Variants in WDPCP observed in about 807,000 individuals in gnomAD.
The protein encoded by WDPCP is WD repeat-containing and planar cell polarity effector protein fritz homolog.
Under a neutral mutation model 93.1 loss-of-function variants are expected in WDPCP, and 71 were observed. That is an observed-to-expected ratio of 0.76 (90% CI 0.63 to 0.93). The LOEUF is 0.93. WDPCP is among the 40% of genes least tolerant of loss of function. WDPCP has a pLI of 0.00. For missense variants in WDPCP, 844 were observed against 887.4 expected (o/e 0.95, Z 0.62); for synonymous variants, 315 against 315.0 (o/e 1.00, Z 0.00).
At chr2:63,541,384 T>C (rs1305974946) in intron 1 of WDPCP, among the ~76,000 whole-genome samples, 1 of 152,160 alleles carries the variant, frequency 6.6e-6, no homozygotes, top group Admixed American at 6.5e-5. Flanking sequence ...CAGTGTATAA[T>C]AAAATAAGTT....
At chr2:63,150,803 T>C (rs1671837688) in intron 17 of WDPCP, among the ~76,000 whole-genome samples, 2 of 152,262 alleles carry the variant, frequency 1.3e-5, no homozygotes, top group Admixed American at 1.3e-4. Context: ...TGTTGAAAAA[T>C]AGTTATTATA....
At chr2:63,228,147 G>C (rs1052750451) in intron 14 of WDPCP, among the ~76,000 whole-genome samples, 2 of 151,934 alleles carry the variant, frequency 1.3e-5, no homozygotes, top group Non-Finnish European at 2.9e-5. Context: ...AAATCTCCAA[G>C]TTGCTGGAGG....
intron 2 of WDPCP, among the ~76,000 whole-genome samples, chr2:63,690,524 T>G (rs1163778331): frequency 2.0e-5 from 3 of 152,004 alleles, no homozygotes; most frequent in Non-Finnish European, 4.4e-5. Context: ...GAGGCTGAAA[T>G]GGGCAGATCG....
chr2:63,257,412 A>C (rs1361611430), intron 14 of WDPCP, among the ~76,000 whole-genome samples: 2 of 152,206 alleles, frequency 1.3e-5, no homozygotes, highest in Non-Finnish European at 2.9e-5. Context: ...ATGAGGAAAC[A>C]AGAAATTCTT....
At chr2:63,305,956 A>G (rs1460969710) in intron 13 of WDPCP, among the ~76,000 whole-genome samples, 3 of 152,220 alleles carry the variant, frequency 2.0e-5, no homozygotes, top group African/African-American at 4.8e-5. Context: ...CAATGAATCC[A>G]GGACCTATTT....
In WDPCP at chr2:63,594,029, G is replaced by A. The variant is rs561756672; in HGVS notation, n.488+56630C>T. Among the ~76,000 whole-genome samples the A allele has an allele frequency of 5.3e-5, 8 of 152,266 alleles. No individual in the cohort carries two copies. The South Asian group carries it at 6.2e-4, about 12-fold the overall frequency. On this transcript the variant is annotated intron_variant and non_coding_transcript_variant, in intron 3 of 4. Coordinates refer to the WDPCP transcript ENST00000467687. ...CCTCCTCCAGACAAAGTTGAAGCAC[G>A]ATTAATTGTCTTATTTAAATGTTTT... is the stretch of plus-strand genomic sequence containing the variant.
intron 3 of WDPCP, among the ~76,000 whole-genome samples, chr2:63,619,194 G>A (rs919563990): frequency 2.6e-5 from 4 of 152,098 alleles, no homozygotes; most frequent in Admixed American, 6.5e-5. Context: ...TAGGGAGCAC[G>A]CAAAAATAGT....
intron 14 of WDPCP, among the ~76,000 whole-genome samples, chr2:63,213,332 C>T (rs1677003916): frequency 6.6e-6 from 1 of 152,184 alleles, no homozygotes; most frequent in Non-Finnish European, 1.5e-5. Flanking sequence ...CTCAAAACCG[C>T]TCAACTACAT....
At chr2:63,589,516 A>G (rs1234159936), upstream of WDPCP, 4 of 856,518 alleles carry the variant, frequency 4.7e-6, no homozygotes, top group African/African-American at 5.1e-5. Context: ...CAGGTGCTCC[A>G]GATTACGATC....
Position 63,588,394 on chromosome 2 carries a change from G to T in WDPCP, c.-123C>A, listed in dbSNP as rs1297219012. On this transcript the variant is annotated 5_prime_UTR_variant, in exon 1 of 18. Transcript: ENST00000272321. The stretch of plus-strand genomic sequence containing the variant: ...GCCGCCGCCGCCACAGTTTCCTCAG[G>T]TGCTACAAAGCAGCCAGGGTGTGCG... 1.0e-5 allele frequency: 12 copies of T among 1,160,136 alleles called. No individual in the cohort carries two copies. Among genetic ancestry groups the T allele is most frequent in the Non-Finnish European group, 7.6e-6 (6 of 790,450 alleles). The allele number at this position is 1,160,136 out of a possible 1,614,324, so 71.9% of individuals were successfully genotyped here. A position where few individuals can be genotyped will look rare whatever the true frequency, so the allele number is the denominator to read the frequency against.
intron 14 of WDPCP, among the ~76,000 whole-genome samples, chr2:63,212,299 T>C (rs1211995883): frequency 6.6e-6 from 1 of 151,832 alleles, no homozygotes; most frequent in Non-Finnish European, 1.5e-5. Context: ...CAGAAGAGAG[T>C]GGGGGCCAAT....
intron 12 of WDPCP, among the ~76,000 whole-genome samples, 192 bp from the exon 13 acceptor site, chr2:63,313,503 G>T (rs1014915884): frequency 6.6e-6 from 1 of 152,094 alleles, no homozygotes; most frequent in Non-Finnish European, 1.5e-5. Context: ...GGGCTGAGGC[G>T]CAGAGCCTGT....
At chr2:63,205,514 T>G (rs2104368301) in intron 14 of WDPCP, among the ~76,000 whole-genome samples, 1 of 152,348 alleles carries the variant, frequency 6.6e-6, no homozygotes, top group South Asian at 2.1e-4. Flanking sequence ...ATCAGTGTTT[T>G]CTAGTTTTCA....
chr2:63,225,486 GA>G (rs548899313), intron 14 of WDPCP, among the ~76,000 whole-genome samples: 119 of 151,686 alleles, frequency 7.8e-4, no homozygotes, highest in African/African-American at 2.7e-3. Flanking sequence ...TACTAAAGCC[GA>G]AAAAACACAT....
intron 3 of WDPCP, among the ~76,000 whole-genome samples, chr2:63,611,744 A>G (rs1041060225): frequency 9.2e-5 from 14 of 152,192 alleles, no homozygotes; most frequent in African/African-American, 3.4e-4. Flanking sequence ...AGAAATATAT[A>G]CGCTTTCATT....
chr2:63,766,960 A>G (rs1670151974), intron 2 of WDPCP, among the ~76,000 whole-genome samples: 1 of 152,056 alleles, frequency 6.6e-6, no homozygotes, highest in Non-Finnish European at 1.5e-5. Context: ...GATTTTGACT[A>G]TTCTAAGTTC....
chr2:63,831,867 T>C (rs1197010471), upstream of WDPCP, among the ~76,000 whole-genome samples: 1 of 152,166 alleles, frequency 6.6e-6, no homozygotes, highest in Non-Finnish European at 1.5e-5. Flanking sequence ...GATCTCTTCC[T>C]CAGAAGGATT....
rs374464274 is a variant in WDPCP at position 63,431,667 on chromosome 2, TCA to T, written c.825+2076_825+2077del. Among the ~76,000 whole-genome samples, 620 of 150,522 alleles carry T rather than the reference TCA, an allele frequency of 4.1e-3. 7 individuals carry two copies. Among genetic ancestry groups the T allele is most frequent in the African/African-American group, 0.014 (575 of 41,156 alleles). ...TACTTCGTATTTAAAGATTATGTCT[TCA>T]CACACACACACACACAAGAAAAACA... is the stretch of plus-strand genomic sequence containing the variant. On this transcript the variant is annotated intron_variant, in intron 9 of 17. Transcript: ENST00000272321.
intron 2 of WDPCP, among the ~76,000 whole-genome samples, chr2:63,728,988 T>C (rs960220959): frequency 6.6e-6 from 1 of 152,218 alleles, no homozygotes; most frequent in African/African-American, 2.4e-5. Context: ...CTGACACTTT[T>C]AATGGCTTTT....
Sources: gnomAD v4.1 joint callset for allele counts (sites outside exome capture counted in the v4.1 genomes callset) on GRCh38, gnomAD v4.1.1 for gene constraint, MANE v1.5 for transcripts, NCBI Gene and HGNC (gene_info 2026-07-23, HGNC 2026-07-21) for gene names.